The following XYLT1 variants were observed in gnomAD, a reference collection of about 807,000 sequenced individuals.
The protein encoded by XYLT1 is xylosyltransferase 1.
Under a neutral mutation model 91.3 loss-of-function variants are expected in XYLT1, and 36 were observed. The observed-to-expected ratio is 0.39, with a 90% CI of 0.30 to 0.52. The LOEUF (loss-of-function observed/expected upper bound fraction) is 0.52, where lower values mean the gene tolerates loss of function less well. Ranked by LOEUF, XYLT1 falls within the 20% of genes least tolerant of loss-of-function variation. The pLI is 0.68. For synonymous variants in XYLT1, 588 were observed against 532.0 expected (o/e 1.11, Z -1.45); for missense variants, 1,242 against 1,284.5 (o/e 0.97, Z 0.51).
At chr16:17,128,684 T>C (rs2141497372) in intron 9 of XYLT1, among the ~76,000 whole-genome samples, 1 of 152,304 alleles carries the variant, frequency 6.6e-6, no homozygotes. Context: ...TTTGTTGTTT[T>C]AAAATGCACG....
intron 3 of XYLT1, among the ~76,000 whole-genome samples, chr16:17,209,304 GT>G (rs1274401846): frequency 2.0e-5 from 3 of 152,152 alleles, no homozygotes; most frequent in Non-Finnish European, 4.4e-5. Context: ...TGCCCTCCTG[GT>G]TTGTCCACGT....
chr16:17,338,494 G>T (rs912372131), intron 2 of XYLT1: 1 of 456,402 alleles, frequency 2.2e-6, no homozygotes, highest in African/African-American at 2.0e-5. Flanking sequence ...TAAAGGAAGA[G>T]GAGCCTTGTG....
chr16:17,120,181 T>C (rs535860555), intron 10 of XYLT1, among the ~76,000 whole-genome samples: 29 of 152,202 alleles, frequency 1.9e-4, no homozygotes, highest in Non-Finnish European at 3.8e-4. Flanking sequence ...ATTAAAAGGA[T>C]ACTATTTATT....
chr16:17,302,182 G>C (rs1360004127), intron 2 of XYLT1, among the ~76,000 whole-genome samples: 1 of 152,008 alleles, frequency 6.6e-6, no homozygotes, highest in Non-Finnish European at 1.5e-5. Context: ...TCCAGCCTGG[G>C]TGACAGAGCA....
intron 2 of XYLT1, among the ~76,000 whole-genome samples, chr16:17,282,920 C>T (rs1284650152): frequency 6.6e-6 from 1 of 152,104 alleles, no homozygotes; most frequent in Non-Finnish European, 1.5e-5. Flanking sequence ...ATTGCTAACC[C>T]CATTTCACAG....
intron 1 of XYLT1, among the ~76,000 whole-genome samples, chr16:17,372,137 A>T (rs937186466): frequency 2.6e-5 from 4 of 152,238 alleles, no homozygotes; most frequent in Non-Finnish European, 5.9e-5. Flanking sequence ...ATAACAGGAA[A>T]AACATGCAGC....
chr16:17,182,427 A>G (rs904099398), intron 5 of XYLT1, among the ~76,000 whole-genome samples: 2 of 152,180 alleles, frequency 1.3e-5, no homozygotes, highest in African/African-American at 2.4e-5. Flanking sequence ...CACTCCTTCT[A>G]TAGGATCAGG....
At chr16:17,112,885 G>A (rs567748991) in intron 11 of XYLT1, among the ~76,000 whole-genome samples, 7 of 146,924 alleles carry the variant, frequency 4.8e-5, no homozygotes, top group African/African-American at 1.7e-4. Context: ...TTGTTGCCAG[G>A]CTGGAGTGCA....
At chr16:17,198,625 GA>G (rs2141587547) in intron 4 of XYLT1, among the ~76,000 whole-genome samples, 1 of 152,246 alleles carries the variant, frequency 6.6e-6, no homozygotes, top group South Asian at 2.1e-4. Flanking sequence ...TTAGCTATTT[GA>G]AATGCAGATT....
At chr16:17,460,242 G>A (rs1354285435) in intron 1 of XYLT1, among the ~76,000 whole-genome samples, 1 of 152,168 alleles carries the variant, frequency 6.6e-6, no homozygotes, top group Non-Finnish European at 1.5e-5. Flanking sequence ...TGGGGGACAA[G>A]GTCACGGGAA....
intron 2 of XYLT1, among the ~76,000 whole-genome samples, chr16:17,297,368 A>G (rs1039102340): frequency 6.6e-6 from 1 of 151,848 alleles, no homozygotes; most frequent in Non-Finnish European, 1.5e-5. Context: ...GGAGTTCGAG[A>G]ACAGCCTGGG....
intron 8 of XYLT1, 187 bp downstream of exon 8, chr16:17,138,168 G>GAACATCCCTGA (rs1555481568): frequency 1.6e-6 from 1 of 642,660 alleles, no homozygotes; most frequent in African/African-American, 1.8e-5. Flanking sequence ...AATGTGGTTA[G>GAACATCCCTGA]AACATCCCTG....
chr16:17,466,951 AG>A (rs2036905731), intron 1 of XYLT1, among the ~76,000 whole-genome samples: 1 of 152,184 alleles, frequency 6.6e-6, no homozygotes, highest in Non-Finnish European at 1.5e-5. Context: ...ACATCTGGAT[AG>A]GAAGAAAAGC....
chr16:17,316,361 G>C (rs8047154), intron 2 of XYLT1, among the ~76,000 whole-genome samples: 7,201 of 152,184 alleles, frequency 0.047, 587 homozygotes, highest in African/African-American at 0.16. Context: ...GGAATTCAGA[G>C]AGATGAAACA....
intron 1 of XYLT1, among the ~76,000 whole-genome samples, chr16:17,383,307 A>C (rs142635191): frequency 2.0e-5 from 3 of 151,792 alleles, no homozygotes; most frequent in Non-Finnish European, 2.9e-5. Context: ...ATCCTTCCCA[A>C]TTCAAGACGT....
In XYLT1 at chr16:17,223,730, T is replaced by C. The variant is rs150664069; in HGVS notation, c.914-23076A>G. Among the ~76,000 whole-genome samples the C allele has an allele frequency of 2.2e-3, 338 of 152,344 alleles. 2 individuals are homozygous for C. The highest frequency in any genetic ancestry group is 3.9e-3 in the Non-Finnish European group (264 of 68,022). On this transcript the variant is annotated intron_variant, in intron 3 of 11. Transcript: ENST00000261381. ...GCAGAGGATGAAGACATCAACCATCTTCATGTTAGAGACATTATACACTGG... is the reference window on the plus strand; with the variant it reads ...GCAGAGGATGAAGACATCAACCATCCTCATGTTAGAGACATTATACACTGG...
intron 2 of XYLT1, among the ~76,000 whole-genome samples, chr16:17,278,147 C>T (rs759248043): frequency 9.9e-5 from 15 of 152,154 alleles, no homozygotes; most frequent in Non-Finnish European, 1.5e-4. Flanking sequence ...GGCACCTTTT[C>T]GTGTATGACC....
intron 1 of XYLT1, among the ~76,000 whole-genome samples, chr16:17,422,951 G>A (rs760898787): frequency 4.6e-5 from 7 of 152,154 alleles, no homozygotes; most frequent in Non-Finnish European, 5.9e-5. Flanking sequence ...GCCCTGCATC[G>A]GTGAGCTCTG....
rs186988367 is a variant in XYLT1, at chr16:17,252,864, A to G, written c.913+6124T>C. 2.7e-3 allele frequency among the ~76,000 whole-genome samples: 407 copies of G among 152,328 alleles called. 4 individuals are homozygous for G. Among genetic ancestry groups the G allele is most frequent in the Middle Eastern group, 0.01 (3 of 294 alleles). Reference sequence around the variant, plus strand: ...TCCTTAATTATATTCAACTTCCAGCACACTCTTGGCTGAAGTTTAGGTGAT... The same window carrying G: ...TCCTTAATTATATTCAACTTCCAGCGCACTCTTGGCTGAAGTTTAGGTGAT... On this transcript the variant is annotated intron_variant, in intron 3 of 11. Transcript: ENST00000261381.
Sources: allele counts gnomAD v4.1 joint callset (sites outside exome capture counted in the v4.1 genomes callset), GRCh38; gene constraint gnomAD v4.1.1; transcripts MANE v1.5; gene names NCBI Gene and HGNC (gene_info 2026-07-23, HGNC 2026-07-21).